The following COPS7A variants were observed in gnomAD, a reference collection of about 807,000 sequenced individuals.
The protein encoded by COPS7A is COP9 signalosome subunit 7A.
A neutral mutation model predicts 35.2 loss-of-function variants in COPS7A; 20 were observed. The ratio of observed to expected loss-of-function variants is 0.57; its 90% CI spans 0.40 to 0.83. The LOEUF is 0.83. Among genes scored for constraint, COPS7A ranks in the 40% least tolerant of loss-of-function variants. The pLI, the probability that COPS7A is intolerant of heterozygous loss-of-function variation, is 0.00. For missense variants in COPS7A, 247 were observed against 347.5 expected, an observed-to-expected ratio of 0.71 and a Z score of 2.30; for synonymous variants, 139 against 141.4, an observed-to-expected ratio of 0.98 and a Z score of 0.12.
rs1293976192 is a variant in COPS7A at position 6,724,612 on chromosome 12, A to G, written c.-43-2A>G. 1 of 1,612,286 alleles carries G rather than the reference A, an allele frequency of 6.2e-7. No homozygotes were observed. Among genetic ancestry groups the G allele is most frequent in the Non-Finnish European group, 8.5e-7 (1 of 1,178,670 alleles). ...CTAGCTTCACATCCTCTTTCCTTGC[A>G]GCTCTGGACATCCTGAGCCCAAGTC... On this transcript the variant is annotated splice_acceptor_variant, in intron 1 of 7. Transcript: ENST00000543155. LOFTEE classifies it low-confidence loss of function (5UTR_SPLICE).
At chr12:6,724,539 C>T in intron 1 of COPS7A, 75 bp from the exon 2 acceptor site, 1 of 1,230,866 alleles carries the variant, frequency 8.1e-7, no homozygotes, top group Non-Finnish European at 1.2e-6. Flanking sequence ...CCTTTACAAT[C>T]CAGTCCCTCA....
rs1475256695 is a variant in COPS7A, at chr12:6,724,142, G to C, written c.-81G>C. 4.1e-6 allele frequency: 1 copy of C among 243,078 alleles called. No individual in the cohort carries two copies. Among genetic ancestry groups the C allele is most frequent in the Non-Finnish European group, 8.4e-6 (1 of 119,444 alleles). 15.1% of individuals were successfully genotyped at this position (243,078 alleles called of 1,614,324 possible). A position where few individuals can be genotyped will look rare whatever the true frequency, so the allele number is the denominator to read the frequency against. ...GGCCCCGCCCGGTGCGCTGGAGGTC[G>C]AAGCTTCCAGGTAGCGGCCCGCAGA... is the stretch of plus-strand genomic sequence containing the variant. On this transcript the variant is annotated 5_prime_UTR_variant, in exon 1 of 8. Coordinates refer to ENST00000543155, the MANE Select transcript of COPS7A (RefSeq NM_001164094.2).
Position 6,731,137 on chromosome 12 carries a change from A to C in COPS7A, c.*98A>C, listed in dbSNP as rs750033403. The C allele has an allele frequency of 1.2e-6, 2 of 1,610,446 alleles. No homozygotes were observed. Among genetic ancestry groups the C allele is most frequent in the African/African-American group, 1.3e-5 (1 of 74,722 alleles). ...CCTTCTGTGCCCCTGGCCAGCTGAT[A>C]ATCCTAGGTTCATGACCCTTCACCT... On this transcript the variant is annotated 3_prime_UTR_variant, in exon 8 of 8. Coordinates refer to ENST00000543155, the MANE Select transcript of COPS7A (RefSeq NM_001164094.2).
Position 6,730,840 on chromosome 12 carries a change from A to T in COPS7A, c.788+20A>T. The T allele has an allele frequency of 6.2e-7, 1 of 1,613,334 alleles. No individual in the cohort carries two copies. Among genetic ancestry groups the T allele is most frequent in the Non-Finnish European group, 8.5e-7 (1 of 1,179,676 alleles). ...CAAGGGGTGAGCCAGGGTAGCAGGAACTGCTCACTTGCAGGGTGCCCTGCT... is the reference window on the plus strand; with the variant it reads ...CAAGGGGTGAGCCAGGGTAGCAGGATCTGCTCACTTGCAGGGTGCCCTGCT... On this transcript the variant is annotated intron_variant, in intron 7 of 7. Transcript: ENST00000543155.
intron 2 of COPS7A, 49 bp from the exon 3 acceptor site, chr12:6,727,877 G>A: frequency 1.3e-6 from 2 of 1,568,622 alleles, no homozygotes; most frequent in Non-Finnish European, 1.8e-6. Flanking sequence ...AGGCTGGGAG[G>A]GTGGAGAGGG....
chr12:6,724,442 C>T (rs1196713489), intron 1 of COPS7A, 172 bp from the exon 2 acceptor site: 5 of 609,038 alleles, frequency 8.2e-6, no homozygotes, highest in Non-Finnish European at 1.5e-5. Flanking sequence ...GGTGTGGCAG[C>T]CTTGCGAAGT....
intron 7 of COPS7A, 90 bp downstream of exon 7, chr12:6,730,910 C>A: frequency 1.3e-6 from 2 of 1,588,568 alleles, no homozygotes; most frequent in Non-Finnish European, 1.7e-6. Context: ...CAGTTATTTG[C>A]ATGGGAGTAG....
intron 2 of COPS7A, among the ~76,000 whole-genome samples, chr12:6,725,435 G>C (rs2137745559): frequency 6.6e-6 from 1 of 152,234 alleles, no homozygotes; most frequent in South Asian, 2.1e-4. Context: ...GGGATTACAG[G>C]CTTGAGCCAC....
In COPS7A at chr12:6,730,439, G is replaced by C; in HGVS notation, c.568G>C (p.Glu190Gln). 1 of 1,614,130 alleles carries C rather than the reference G, an allele frequency of 6.2e-7. No individual in the cohort carries two copies. The highest frequency in any genetic ancestry group is 8.5e-7 in the Non-Finnish European group (1 of 1,180,020). ...TGAGGTCGTGCTGTCAGGCATTGAG[G>C]AGCAGGTGAGCCGTGCCAACCAACA... is the stretch of plus-strand genomic sequence containing the variant. ...GCEVVLSGIE[E>Q]QVSRANQHKE... Residue 190 changes from glutamate (E) to glutamine (Q), a missense_variant, in exon 6 of 8, where the codon GAG becomes CAG. Transcript: ENST00000543155.
chr12:6,724,256 CT>C (rs1172779594), intron 1 of COPS7A, 77 bp downstream of exon 1: 1 of 351,794 alleles, frequency 2.8e-6, no homozygotes, highest in Non-Finnish European at 5.6e-6. Context: ...CACGTGTAAG[CT>C]TCAATGGGGG....
intron 4 of COPS7A, 144 bp downstream of exon 4, chr12:6,728,455 CT>C (rs1454063109): frequency 3.6e-6 from 2 of 558,776 alleles, no homozygotes; most frequent in Non-Finnish European, 6.3e-6. Flanking sequence ...CCATTAGCAA[CT>C]GTTTAGGCTG....
In COPS7A at chr12:6,729,875, A is replaced by G. The variant is rs560504550; in HGVS notation, c.530+426A>G. On this transcript the variant is annotated intron_variant, in intron 5 of 7. Coordinates refer to ENST00000543155, the MANE Select transcript of COPS7A (RefSeq NM_001164094.2). This position sits in a 1 kb window ranked among gnomAD's most constrained non-coding sequence, Gnocchi z 4.2. ...TTTTCTCTTTGGCATCTCCTACCCT[A>G]TTTTGTTTTCAGTTCCTACTCCCAT... Among the ~76,000 whole-genome samples the G allele has an allele frequency of 1.3e-5, 2 of 151,952 alleles. No individual in the cohort carries two copies. Among genetic ancestry groups the G allele is most frequent in the East Asian group, 3.9e-4 (2 of 5,170 alleles).
At position 6,727,036 on chromosome 12, in the gene COPS7A, T is replaced by G. The variant is rs113439568; in HGVS notation, c.163-890T>G. ...GTAGCAACCTTCTGCAAGGATTGATTGATTAAGTGCCAGAATGAAGCTGAG... is the reference window on the plus strand; with the variant it reads ...GTAGCAACCTTCTGCAAGGATTGATGGATTAAGTGCCAGAATGAAGCTGAG... On this transcript the variant is annotated intron_variant, in intron 2 of 7. Coordinates refer to ENST00000543155, the MANE Select transcript of COPS7A (RefSeq NM_001164094.2). 4.7e-3 allele frequency among the ~76,000 whole-genome samples: 720 copies of G among 152,306 alleles called. 5 individuals are homozygous for G. The highest frequency in any genetic ancestry group is 7.0e-3 in the Non-Finnish European group (476 of 68,020).
Position 6,728,839 on chromosome 12 carries a change from G to T in COPS7A, c.328-408G>T, listed in dbSNP as rs115648020. On this transcript the variant is annotated intron_variant, in intron 4 of 7. Coordinates refer to ENST00000543155, the MANE Select transcript of COPS7A (RefSeq NM_001164094.2). Reference sequence around the variant, plus strand: ...AGATACCTCCAAAGGAATGCCCGTTGCAGGTAGGCAGAGTATAAATGATAA... The same window carrying T: ...AGATACCTCCAAAGGAATGCCCGTTTCAGGTAGGCAGAGTATAAATGATAA... 2.9e-3 allele frequency among the ~76,000 whole-genome samples: 443 copies of T among 152,282 alleles called. 4 individuals carry two copies. The highest frequency in any genetic ancestry group is 0.01 in the African/African-American group (427 of 41,552).
rs1941373096 is a variant in COPS7A, at chr12:6,730,788, C to T, written c.756C>T (p.Arg252=). 6.2e-7 allele frequency: 1 copy of T among 1,614,082 alleles called. No individual in the cohort carries two copies. The highest frequency in any genetic ancestry group is 8.5e-7 in the Non-Finnish European group (1 of 1,180,040). ...AACCAGCTCCTGGCACCAACCAGCG[C>T]CAGCCCAGCAAGAAAGCCTCAAAGG... ...LREPAPGTNQ[R]QPSKKASKGK... is the part of the protein sequence containing the mutation. The change falls in exon 7 of 8, where the codon CGC becomes CGT. Residue 252 remains arginine (R), a synonymous_variant. Transcript: ENST00000543155.
chr12:6,728,562 A>G (rs538387757), intron 4 of COPS7A, among the ~76,000 whole-genome samples: 3 of 152,318 alleles, frequency 2.0e-5, no homozygotes, highest in African/African-American at 7.2e-5. Flanking sequence ...AGCAACTAGG[A>G]TGTTGTTCAG....
At position 6,731,359 on chromosome 12, in the gene COPS7A, TG is replaced by T. The variant is rs1282505748; in HGVS notation, c.*325del. 3.4e-5 allele frequency: 47 copies of T among 1,391,050 alleles called. 1 individual carries two copies. 86.2% of individuals were successfully genotyped at this position (1,391,050 alleles called of 1,614,324 possible). A position where few individuals can be genotyped will look rare whatever the true frequency, so the allele number is the denominator to read the frequency against. ...TCATTGAGTAGGTGGGTAGCCCTGA[TG>T]GGGGTCGCTCTGTCTGGAGCATAAC... On this transcript the variant is annotated 3_prime_UTR_variant, in exon 8 of 8. Coordinates refer to ENST00000543155, the MANE Select transcript of COPS7A (RefSeq NM_001164094.2).
intron 2 of COPS7A, among the ~76,000 whole-genome samples, chr12:6,726,602 C>CAA (rs374195335): frequency 1.1e-3 from 150 of 137,866 alleles, no homozygotes; most frequent in Non-Finnish European, 1.9e-3. Context: ...GACTCTGTCT[C>CAA]AAAAAAAAAA....
At chr12:6,724,328 A>T (rs2137741878) in intron 1 of COPS7A, 149 bp downstream of exon 1, 2 of 433,038 alleles carry the variant, frequency 4.6e-6, no homozygotes, top group South Asian at 1.7e-5. Context: ...GAGCGTCGTC[A>T]GGGTGGACAC....
Sources: gnomAD v4.1 joint callset for allele counts (sites outside exome capture counted in the v4.1 genomes callset) on GRCh38, gnomAD v4.1.1 for gene constraint, Gnocchi (gnomAD v3.1) non-coding constraint, MANE v1.5 for transcripts, NCBI Gene and HGNC (gene_info 2026-07-23, HGNC 2026-07-21) for gene names.